Variants in SSC5D observed in about 807,000 individuals in gnomAD.
SSC5D encodes the protein scavenger receptor cysteine rich family member with 5 domains.
In SSC5D, 106 loss-of-function variants were observed where a neutral mutation model predicts 104.6. The ratio of observed to expected loss-of-function variants is 1.01; its 90% CI spans 0.87 to 1.19. The LOEUF (loss-of-function observed/expected upper bound fraction) is 1.19. Ranked by LOEUF, SSC5D falls within the 50% of genes most tolerant of loss-of-function variation. The pLI, the probability that SSC5D is intolerant of heterozygous loss-of-function variation, is 0.00. For synonymous variants in SSC5D, 860 were observed against 883.5 expected (o/e 0.97, Z 0.47); for missense variants, 1,993 against 2,153.8 (o/e 0.93, Z 1.48).
intron 12 of SSC5D, among the ~76,000 whole-genome samples, chr19:55,511,920 C>T (rs481503): frequency 0.99 from 151,270 of 152,278 alleles, 75,170 homozygotes; most frequent in Non-Finnish European, 1. Context: ...GTGTTTTGTT[C>T]GGGTGATGAA....
At position 55,517,253 on chromosome 19, in the gene SSC5D, C is replaced by G. The variant is rs1410035932; in HGVS notation, c.2977C>G (p.Arg993Gly). 1 of 1,542,366 alleles carries G rather than the reference C, an allele frequency of 6.5e-7. No homozygotes were observed. Among genetic ancestry groups the G allele is most frequent in the Admixed American group, 2.0e-5 (1 of 50,874 alleles). ...CCCGAGGAAACCGTGGCCCGAGCGC[C>G]GGCCACCGCGGCCCGCTGCGACCAG... ...GSPRKPWPER[R>G]PPRPAATRTA... Residue 993 changes from arginine (R) to glycine (G), a missense_variant, in exon 14 of 14, where the codon CGG becomes GGG. Arg to Gly is a moderately radical substitution (Grantham distance 125). Coordinates refer to ENST00000389623, the MANE Select transcript of SSC5D (RefSeq NM_001144950.2).
intron 12 of SSC5D, among the ~76,000 whole-genome samples, chr19:55,506,434 G>A (rs1369852078): frequency 5.0e-5 from 6 of 119,678 alleles, no homozygotes; most frequent in African/African-American, 6.4e-5. Context: ...TCGCTCTGTC[G>A]CCCAGGCTGG....
chr19:55,516,390 G>C (rs1262028114), intron 13 of SSC5D, among the ~76,000 whole-genome samples: 2 of 151,994 alleles, frequency 1.3e-5, no homozygotes, highest in Non-Finnish European at 2.9e-5. Context: ...CCAGCTACTC[G>C]GGAGGCTGAG....
Position 55,517,688 on chromosome 19 carries a change from G to T in SSC5D, c.3412G>T (p.Glu1138Ter). 6.4e-7 allele frequency: 1 copy of T among 1,551,216 alleles called. No homozygotes were observed. Among genetic ancestry groups the T allele is most frequent in the Non-Finnish European group, 8.7e-7 (1 of 1,146,874 alleles). ...DTTPYSSTVS[E>*]YSRSPDPSPS... ...AACTCCATACTCCAGTACAGTCTCAGAATATTCTAGATCCCCAGACCCCTC... is the reference window on the plus strand; with the variant it reads ...AACTCCATACTCCAGTACAGTCTCATAATATTCTAGATCCCCAGACCCCTC... The change falls in exon 14 of 14, where the codon GAA becomes TAA. Residue 1138 changes from glutamate to a stop codon, truncating the protein, a stop_gained. Transcript: ENST00000389623. LOFTEE classifies it low-confidence loss of function (END_TRUNC).
intron 12 of SSC5D, among the ~76,000 whole-genome samples, chr19:55,501,478 G>A (rs933638590): frequency 1.3e-5 from 2 of 152,148 alleles, no homozygotes; most frequent in Non-Finnish European, 1.5e-5. Context: ...CAAGCCTGGG[G>A]CCCTCAGTCA....
At position 55,500,873 on chromosome 19, in the gene SSC5D, A is replaced by G. The variant is rs1987480430; in HGVS notation, c.2617+69A>G. ...AGGAGAATGGAGTCAGGGTGGGGCC[A>G]GGTGACGGCACCATGGTCGACTCTA... On this transcript the variant is annotated intron_variant, in intron 11 of 13. Coordinates refer to ENST00000389623, the MANE Select transcript of SSC5D (RefSeq NM_001144950.2). This position sits in a 1 kb window ranked among gnomAD's most constrained non-coding sequence, Gnocchi z 4.6. 1 of 1,379,000 alleles carries G rather than the reference A, an allele frequency of 7.3e-7. No homozygotes were observed. The highest frequency in any genetic ancestry group is 9.7e-7 in the Non-Finnish European group (1 of 1,025,930). 85.4% of individuals were successfully genotyped at this position (1,379,000 alleles called of 1,614,324 possible).
chr19:55,513,018 A>G lies in SSC5D; in HGVS notation c.2793A>G (p.Lys931=), dbSNP rs554296970. Residue 931 remains lysine, a synonymous_variant, in exon 13 of 14, where the codon AAA becomes AAG. Transcript: ENST00000389623. ...AIRRLPDTGS[K]DGYKLPWTWD... ...TTCCCCATATCTCTCTAGGCAGCAAAGATGGTTACAAGCTTCCCTGGACGT... is the reference window on the plus strand; with the variant it reads ...TTCCCCATATCTCTCTAGGCAGCAAGGATGGTTACAAGCTTCCCTGGACGT... 3.2e-6 allele frequency: 5 copies of G among 1,552,080 alleles called. No homozygotes were observed. The South Asian group carries it at 5.9e-5, about 18-fold the overall frequency.
chr19:55,512,959 C>G (rs1435369823), intron 12 of SSC5D, 52 bp from the exon 13 acceptor site: 2 of 1,549,978 alleles, frequency 1.3e-6, no homozygotes, highest in Non-Finnish European at 1.7e-6. Flanking sequence ...GACGGGGAGT[C>G]AAACTCAAAG....
Position 55,519,087 on chromosome 19 carries a change from G to A in SSC5D, c.*89G>A. ...CCCCAAAGTATCTAATTAAAAACAA[G>A]GTGTGAATGGTATTTTTGGGGAATC... On this transcript the variant is annotated 3_prime_UTR_variant, in exon 14 of 14. Transcript: ENST00000389623. 7.4e-7 allele frequency: 1 copy of A among 1,345,170 alleles called. No homozygotes were observed. Among genetic ancestry groups the A allele is most frequent in the African/African-American group, 1.5e-5 (1 of 67,462 alleles). The allele number at this position is 1,345,170 out of a possible 1,614,324, so 83.3% of individuals were successfully genotyped here.
intron 12 of SSC5D, among the ~76,000 whole-genome samples, chr19:55,510,245 T>A (rs1224495938): frequency 3.9e-5 from 6 of 152,182 alleles, no homozygotes; most frequent in African/African-American, 1.4e-4. Context: ...CTGATCCACC[T>A]GCCTTGGCCT....
At position 55,513,182 on chromosome 19, in the gene SSC5D, G is replaced by T. The variant is rs760856624; in HGVS notation, c.2947+10G>T. 1 of 1,481,790 alleles carries T rather than the reference G, an allele frequency of 6.7e-7. No homozygotes were observed. Among genetic ancestry groups the T allele is most frequent in the Non-Finnish European group, 9.0e-7 (1 of 1,112,682 alleles). 91.8% of individuals were successfully genotyped at this position (1,481,790 alleles called of 1,614,324 possible). A position where few individuals can be genotyped will look rare whatever the true frequency, so the allele number is the denominator to read the frequency against. The stretch of plus-strand genomic sequence containing the variant: ...GTCCATGGAGACACAGGTGAGACAC[G>T]TGGCTGGGGTGAGGAGACTGGGACG... On this transcript the variant is annotated intron_variant, in intron 13 of 13. Transcript: ENST00000389623.
At chr19:55,499,663 T>C (rs937125316) in intron 9 of SSC5D, among the ~76,000 whole-genome samples, 153 bp from the exon 10 acceptor site, 6 of 152,132 alleles carry the variant, frequency 3.9e-5, no homozygotes, top group African/African-American at 1.2e-4. Context: ...GTGTGGCTCA[T>C]AGGAGGTGCT....
At position 55,519,025 on chromosome 19, in the gene SSC5D, G is replaced by A; in HGVS notation, c.*27G>A. The A allele has an allele frequency of 1.3e-6, 2 of 1,534,762 alleles. No individual in the cohort carries two copies. Among genetic ancestry groups the A allele is most frequent in the Non-Finnish European group, 1.8e-6 (2 of 1,141,772 alleles). The stretch of plus-strand genomic sequence containing the variant: ...CCTCTCCAGGATTTGAGGGGCTTAA[G>A]ACACCCCCAACCAAAAAAAACAAAA... On this transcript the variant is annotated 3_prime_UTR_variant, in exon 14 of 14. Transcript: ENST00000389623.
chr19:55,489,053 C>A, intron 2 of SSC5D, 21 bp downstream of exon 2: 5 of 1,387,446 alleles, frequency 3.6e-6, no homozygotes, highest in Non-Finnish European at 4.7e-6. Flanking sequence ...AGACTCCTCC[C>A]ATCTGCCCGC....
chr19:55,513,000 T>C lies in SSC5D; in HGVS notation c.2786-11T>C. The C allele has an allele frequency of 6.4e-7, 1 of 1,551,884 alleles. No homozygotes were observed. The highest frequency in any genetic ancestry group is 1.2e-5 in the South Asian group (1 of 84,060). The stretch of plus-strand genomic sequence containing the variant: ...TTGGAAGACTCAATCCTCTTCCCCA[T>C]ATCTCTCTAGGCAGCAAAGATGGTT... On this transcript the variant is annotated splice_polypyrimidine_tract_variant and intron_variant, in intron 12 of 13. Transcript: ENST00000389623.
rs2073966137 is a variant in SSC5D at position 55,498,170 on chromosome 19, A to G, written c.1678A>G (p.Asn560Asp). The G allele has an allele frequency of 1.3e-6, 2 of 1,551,682 alleles. No homozygotes were observed. The highest frequency in any genetic ancestry group is 1.7e-6 in the Non-Finnish European group (2 of 1,146,990). The change falls in exon 9 of 14, where the codon AAT becomes GAT. Residue 560 changes from asparagine (N) to aspartate (D), a missense_variant. By Grantham distance (23) the Asn-to-Asp change is conservative. Coordinates refer to ENST00000389623, the MANE Select transcript of SSC5D (RefSeq NM_001144950.2). ...APWGKHNCAH[N>D]EDVGVTCTGP... The stretch of plus-strand genomic sequence containing the variant: ...CTGGGGAAAGCACAACTGCGCTCAC[A>G]ATGAGGATGTTGGGGTCACCTGCAC...
rs1315509491 is a variant in SSC5D, at chr19:55,488,604, C to T, written c.15C>T (p.Ala5=). The change falls in exon 1 of 14, where the codon GCC becomes GCT. Residue 5 remains alanine, a synonymous_variant. Transcript: ENST00000389623. The stretch of plus-strand genomic sequence containing the variant: ...TGGCTGCAACCATGAGGGTCTTGGC[C>T]TGCCTCCTTGGTGAGTGATCCATTC... MRVL[A]CLLAALVGIQ... 35 of 1,550,334 alleles carry T rather than the reference C, an allele frequency of 2.3e-5. No individual in the cohort carries two copies. The highest frequency in any genetic ancestry group is 3.1e-5 in the Non-Finnish European group (35 of 1,146,544).
intron 9 of SSC5D, among the ~76,000 whole-genome samples, chr19:55,498,421 G>T (rs1463440925): frequency 6.6e-6 from 1 of 152,198 alleles, no homozygotes; most frequent in African/African-American, 2.4e-5. Flanking sequence ...TGGGTAACTT[G>T]CTCAAGATCA....
In SSC5D at chr19:55,501,042, G is replaced by C. The variant is rs1469698938; in HGVS notation, c.2626G>C (p.Asp876His). The change falls in exon 12 of 14, where the codon GAC becomes CAC. Residue 876 changes from aspartate (D) to histidine (H), a missense_variant. Physicochemically the swap from Asp to His is moderately conservative, Grantham distance 81. Coordinates refer to ENST00000389623, the MANE Select transcript of SSC5D (RefSeq NM_001144950.2). ...CCCCAATTTCTCCAAAGGCTACACA[G>C]ACTATGACGATTATCCCCCCTGGAC... The part of the protein sequence containing the change: ...DVGLTCTGYT[D>H]YDDYPPWTWD... The C allele has an allele frequency of 6.4e-7, 1 of 1,551,962 alleles. No homozygotes were observed. The highest frequency in any genetic ancestry group is 2.4e-5 in the East Asian group (1 of 40,918).
Sources: gnomAD v4.1 joint callset for allele counts (sites outside exome capture counted in the v4.1 genomes callset) on GRCh38, gnomAD v4.1.1 for gene constraint, Gnocchi (gnomAD v3.1) non-coding constraint, MANE v1.5 for transcripts, NCBI Gene and HGNC (gene_info 2026-07-23, HGNC 2026-07-21) for gene names.